Variants in NBEA observed in about 807,000 individuals in gnomAD.
The protein encoded by NBEA is lysosomal-trafficking regulator 2.
NBEA carries 44 observed loss-of-function variants against 343.4 expected under a neutral mutation model. The observed-to-expected ratio is 0.13, with a 90% CI of 0.10 to 0.16. The LOEUF is 0.16. NBEA is among the 10% of genes least tolerant of loss of function. The pLI is 1.00. For missense variants in NBEA, 2,555 were observed against 3,631.3 expected (o/e 0.70, Z 7.62); for synonymous variants, 1,175 against 1,238.7 (o/e 0.95, Z 1.08).
intron 10 of NBEA, among the ~76,000 whole-genome samples, chr13:35,083,870 G>T (rs1434735460): frequency 1.4e-4 from 22 of 152,056 alleles, no homozygotes; most frequent in Admixed American, 1.4e-3. Flanking sequence ...TAAAATAAAG[G>T]GATGGAGGAA....
At chr13:35,367,213 T>C (rs2041169447) in intron 38 of NBEA, among the ~76,000 whole-genome samples, 2 of 151,336 alleles carry the variant, frequency 1.3e-5, no homozygotes, top group African/African-American at 4.8e-5. Context: ...TAGTAGCTAC[T>C]TAGGTAGAAA....
chr13:35,396,978 G>C (rs560591279), intron 38 of NBEA, among the ~76,000 whole-genome samples: 61 of 152,194 alleles, frequency 4.0e-4, no homozygotes, highest in African/African-American at 1.4e-3. Context: ...CACTACCAGT[G>C]TCTTCATCCT....
At chr13:35,034,636 A>G (rs2062370815) in intron 1 of NBEA, among the ~76,000 whole-genome samples, 1 of 151,644 alleles carries the variant, frequency 6.6e-6, no homozygotes, top group African/African-American at 2.4e-5. Context: ...TAGTTCTTTA[A>G]ATGTTTGGTT....
chr13:35,404,021 CAG>C (rs36183824), intron 38 of NBEA, among the ~76,000 whole-genome samples: 105,448 of 151,274 alleles, frequency 0.7, 38,930 homozygotes, highest in Non-Finnish European at 0.81. Context: ...CACTGGCCAT[CAG>C]AGAAATGCAA....
At position 35,285,669 on chromosome 13, in the gene NBEA, A is replaced by G. The variant is rs989551942; in HGVS notation, c.5777-4720A>G. Among the ~76,000 whole-genome samples, 4 of 152,118 alleles carry G rather than the reference A, an allele frequency of 2.6e-5. No individual in the cohort carries two copies. The East Asian group carries it at 5.8e-4, about 22-fold the overall frequency. On this transcript the variant is annotated intron_variant, in intron 34 of 58. Transcript: ENST00000379939. ...TGAGTCTGTCTCTCCTTGCATTGTC[A>G]CCATCTTGAGCTCAAGCTTTCAGTC...
At chr13:35,219,409 C>T (rs2074241815) in intron 33 of NBEA, among the ~76,000 whole-genome samples, 1 of 152,072 alleles carries the variant, frequency 6.6e-6, no homozygotes, top group African/African-American at 2.4e-5. Flanking sequence ...TGTTAACATA[C>T]AGATTGCTGG....
chr13:35,329,463 G>T (rs573774949), intron 36 of NBEA, among the ~76,000 whole-genome samples: 8 of 151,984 alleles, frequency 5.3e-5, no homozygotes, highest in African/African-American at 1.4e-4. Flanking sequence ...CAGGTAAATG[G>T]TTACTCATTA....
chr13:35,110,443 A>G (rs1016873564), intron 12 of NBEA, among the ~76,000 whole-genome samples: 9 of 152,130 alleles, frequency 5.9e-5, no homozygotes, highest in African/African-American at 1.4e-4. Flanking sequence ...CTGATGTTCT[A>G]TTGCTATGAA....
chr13:35,606,881 A>T (rs1447191985), intron 48 of NBEA, among the ~76,000 whole-genome samples: 2 of 152,302 alleles, frequency 1.3e-5, no homozygotes, highest in South Asian at 2.1e-4. Context: ...TAAAGTGCTT[A>T]AAATAAATGC....
chr13:35,576,191 A>G (rs1291807894), intron 45 of NBEA, among the ~76,000 whole-genome samples: 1 of 150,508 alleles, frequency 6.6e-6, no homozygotes, highest in Non-Finnish European at 1.5e-5. Context: ...ATCTTGGCTC[A>G]CTACAACTTC....
chr13:35,573,082 A>G (rs1355955626), intron 45 of NBEA, among the ~76,000 whole-genome samples: 2 of 152,196 alleles, frequency 1.3e-5, no homozygotes, highest in Non-Finnish European at 2.9e-5. Context: ...AACTTGTTTC[A>G]ATGTATGTTG....
intron 58 of NBEA, among the ~76,000 whole-genome samples, chr13:35,668,753 A>G (rs1022727589): frequency 6.6e-6 from 1 of 152,316 alleles, no homozygotes; most frequent in Non-Finnish European, 1.5e-5. Flanking sequence ...GTGCCTGCAG[A>G]CATGTTTTAA....
chr13:35,155,707 A>G (rs1016897492), intron 18 of NBEA, 67 bp from the exon 19 acceptor site: 9 of 1,203,166 alleles, frequency 7.5e-6, no homozygotes, highest in African/African-American at 3.0e-5. Flanking sequence ...GGTTCATTGT[A>G]TATCTATATT....
chr13:35,231,413 G>A (rs545609985), intron 33 of NBEA, among the ~76,000 whole-genome samples: 2 of 151,978 alleles, frequency 1.3e-5, no homozygotes, highest in Admixed American at 6.6e-5. Context: ...TGCCTCATGT[G>A]TAACAAAATG....
At chr13:35,457,015 T>C (rs2046619025) in intron 40 of NBEA, among the ~76,000 whole-genome samples, 1 of 151,192 alleles carries the variant, frequency 6.6e-6, no homozygotes, top group African/African-American at 2.4e-5. Flanking sequence ...GATATAGATA[T>C]ATATGTTTTT....
At chr13:35,524,004 T>A (rs2077847296) in intron 41 of NBEA, among the ~76,000 whole-genome samples, 1 of 152,212 alleles carries the variant, frequency 6.6e-6, no homozygotes, top group Admixed American at 6.5e-5. Context: ...TCACATTTCA[T>A]GGTAATGTTT....
At chr13:35,505,546 C>A (rs1045481624) in intron 41 of NBEA, among the ~76,000 whole-genome samples, 2 of 152,144 alleles carry the variant, frequency 1.3e-5, no homozygotes, top group Admixed American at 6.5e-5. Flanking sequence ...GACTTTTTAA[C>A]TGTTATATTA....
At chr13:35,346,725 A>C (rs1281840779) in intron 36 of NBEA, among the ~76,000 whole-genome samples, 1 of 152,246 alleles carries the variant, frequency 6.6e-6, no homozygotes, top group South Asian at 2.1e-4. Flanking sequence ...CTGCTATGCA[A>C]GATTTTACTG....
intron 17 of NBEA, among the ~76,000 whole-genome samples, chr13:35,137,278 G>A (rs184428372): frequency 2.4e-4 from 36 of 152,116 alleles, no homozygotes; most frequent in African/African-American, 6.7e-4. Flanking sequence ...GTGAAACCCC[G>A]TCTCTACTAA....
Sources: allele counts gnomAD v4.1 joint callset (sites outside exome capture counted in the v4.1 genomes callset), GRCh38; gene constraint gnomAD v4.1.1; transcripts MANE v1.5; gene names NCBI Gene and HGNC (gene_info 2026-07-23, HGNC 2026-07-21).